Variants in NSF observed in about 807,000 individuals in gnomAD.
NSF encodes vesicle-fusing ATPase.
A neutral mutation model predicts 50.3 loss-of-function variants in NSF; 14 were observed. The ratio of observed to expected loss-of-function variants is 0.28; its 90% CI spans 0.18 to 0.44. NSF has a LOEUF of 0.44. Ranked by LOEUF, NSF falls within the 20% of genes least tolerant of loss-of-function variation. The pLI, the probability that NSF is intolerant of heterozygous loss-of-function variation, is 1.00. For missense variants in NSF, 218 were observed against 504.3 expected, an observed-to-expected ratio of 0.43 and a Z score of 5.44; for synonymous variants, 109 against 175.7, an observed-to-expected ratio of 0.62 and a Z score of 3.00.
At position 46,719,474 on chromosome 17, in the gene NSF, C is replaced by A. The variant is rs927793696; in HGVS notation, c.1761+5488C>A. The stretch of plus-strand genomic sequence containing the variant: ...CAATTAATTTAAAATTCACCTTGTA[C>A]TTCTCTTAATTTGCTTATTAGTGAA... On this transcript the variant is annotated intron_variant, in intron 15 of 20. Transcript: ENST00000398238. This position sits in a 1 kb window ranked among gnomAD's most constrained non-coding sequence, Gnocchi z 4.3. Among the ~76,000 whole-genome samples, 4 of 152,112 alleles carry A rather than the reference C, an allele frequency of 2.6e-5. No homozygotes were observed. Among genetic ancestry groups the A allele is most frequent in the African/African-American group, 9.7e-5 (4 of 41,422 alleles).
At chr17:46,743,085 T>G (rs946038982) in intron 17 of NSF, among the ~76,000 whole-genome samples, 32 of 152,076 alleles carry the variant, frequency 2.1e-4, no homozygotes, top group Admixed American at 1.0e-3. Context: ...CTGCCATGAC[T>G]CCTTCGGAGG....
intron 9 of NSF, among the ~76,000 whole-genome samples, chr17:46,676,224 ATTC>A (rs1332808535): frequency 3.5e-5 from 5 of 142,710 alleles, no homozygotes; most frequent in South Asian, 4.3e-4. Flanking sequence ...TCCTATGGGA[ATTC>A]TTCTTCTTTT....
At chr17:46,711,804 C>T (rs888660639) in intron 14 of NSF, among the ~76,000 whole-genome samples, 3 of 152,132 alleles carry the variant, frequency 2.0e-5, no homozygotes, top group African/African-American at 7.2e-5. Context: ...CATATTAAGC[C>T]ATGACTTGAC....
chr17:46,730,817 TC>T (rs1189134267), intron 17 of NSF, among the ~76,000 whole-genome samples: 1 of 152,158 alleles, frequency 6.6e-6, no homozygotes, highest in African/African-American at 2.4e-5. Context: ...GTACTCAACA[TC>T]ATTAGTCATC....
chr17:46,757,369 G>A lies in NSF; in HGVS notation c.*1546G>A, dbSNP rs2059243829. On this transcript the variant is annotated 3_prime_UTR_variant, in exon 21 of 21. Coordinates refer to ENST00000398238, the MANE Select transcript of NSF (RefSeq NM_006178.4). Reference sequence around the variant, plus strand: ...TGTTAACTTATGTCTCTTGTTAAATGAGCTTAATGTCTTTGTGTTTTGTCC... The same window carrying A: ...TGTTAACTTATGTCTCTTGTTAAATAAGCTTAATGTCTTTGTGTTTTGTCC... The A allele has an allele frequency of 6.6e-6, 1 of 152,612 alleles. No homozygotes were observed. 9.5% of individuals were successfully genotyped at this position (152,612 alleles called of 1,614,324 possible). A position where few individuals can be genotyped will look rare whatever the true frequency, so the allele number is the denominator to read the frequency against.
chr17:46,752,448 A>G (rs1356804815), intron 19 of NSF, among the ~76,000 whole-genome samples: 1 of 151,932 alleles, frequency 6.6e-6, no homozygotes, highest in Admixed American at 6.6e-5. Context: ...TGCTCAGTAA[A>G]CTTTTATTAT....
At chr17:46,735,466 T>TAA (rs775711064) in intron 17 of NSF, among the ~76,000 whole-genome samples, 2 of 141,770 alleles carry the variant, frequency 1.4e-5, no homozygotes, top group East Asian at 2.0e-4. Flanking sequence ...ACTTGAGGTT[T>TAA]AAAAAAAAAA....
chr17:46,726,615 G>C lies in NSF; in HGVS notation c.1828G>C (p.Asp610His), dbSNP rs768757726. ...VVVDDIERLLDYVPIGPRFSN... is the reference protein window; with the variant it reads ...VVVDDIERLLHYVPIGPRFSN... ...TGTGGATGACATTGAGAGATTGCTT[G>C]GTGAGTCCTAACTTCTGCTGTTGTA... Residue 610 changes from aspartate to histidine, a missense_variant and splice_region_variant, in exon 16 of 21, where the codon GAT becomes CAT. Asp to His is a moderately conservative substitution (Grantham distance 81). Around this residue, in one of 2 missense-constraint regions of NSF, gnomAD observed 209 missense variants for 320.9 expected, o/e 0.65. Transcript: ENST00000398238. 5.6e-6 allele frequency: 9 copies of C among 1,613,460 alleles called. No individual in the cohort carries two copies. Among genetic ancestry groups the C allele is most frequent in the Non-Finnish European group, 7.6e-6 (9 of 1,179,488 alleles).
At chr17:46,755,548 C>T in intron 20 of NSF, 179 bp downstream of exon 20, 2 of 693,408 alleles carry the variant, frequency 2.9e-6, no homozygotes, top group Non-Finnish European at 2.4e-6. Context: ...TTTGCTCTCC[C>T]TGTCCTGCTT....
chr17:46,687,362 T>C (rs2058502520), intron 9 of NSF, among the ~76,000 whole-genome samples: 1 of 150,852 alleles, frequency 6.6e-6, no homozygotes, highest in Non-Finnish European at 1.5e-5. Context: ...ATAGATGTCT[T>C]GTTAACTCTT....
intron 13 of NSF, among the ~76,000 whole-genome samples, chr17:46,706,963 G>T (rs1186821390): frequency 6.8e-6 from 1 of 146,810 alleles, no homozygotes; most frequent in Non-Finnish European, 1.5e-5. Flanking sequence ...CAATTATCCT[G>T]CCTCAGCCTC....
intron 8 of NSF, among the ~76,000 whole-genome samples, chr17:46,656,206 G>A (rs928801704): frequency 2.3e-4 from 1 of 4,282 alleles, no homozygotes; most frequent in Non-Finnish European, 4.4e-4. Flanking sequence ...AAAGTAGACA[G>A]TGTATCTATA....
intron 13 of NSF, among the ~76,000 whole-genome samples, chr17:46,709,580 C>T (rs1467352711): frequency 3.3e-5 from 5 of 151,672 alleles, no homozygotes; most frequent in African/African-American, 2.4e-5. Context: ...CTGCAACCTC[C>T]GCCTCCCGGG....
chr17:46,722,038 C>T, intron 15 of NSF: 1 of 1,609,516 alleles, frequency 6.2e-7, no homozygotes, highest in Non-Finnish European at 8.5e-7. Flanking sequence ...CCGTAATATT[C>T]AGCTCCCTGA....
chr17:46,678,792 A>G (rs1412179818), intron 9 of NSF, among the ~76,000 whole-genome samples: 1 of 130,414 alleles, frequency 7.7e-6, no homozygotes, highest in Non-Finnish European at 1.6e-5. Flanking sequence ...ATAAGCAACA[A>G]CTAGCTAGTA....
intron 12 of NSF, among the ~76,000 whole-genome samples, chr17:46,695,159 T>C (rs1598689849): frequency 1.0e-5 from 1 of 97,526 alleles, no homozygotes; most frequent in Non-Finnish European, 1.9e-5. Flanking sequence ...GGCAAGAGAA[T>C]GGTGTGAACC....
chr17:46,681,679 C>G (rs1169789657), intron 9 of NSF, among the ~76,000 whole-genome samples: 3 of 97,000 alleles, frequency 3.1e-5, no homozygotes, highest in Non-Finnish European at 3.9e-5. Flanking sequence ...TGCTTTAAGT[C>G]TGCTTGTTGG....
At position 46,756,460 on chromosome 17, in the gene NSF, A is replaced by G. The variant is rs1230761908; in HGVS notation, c.*637A>G. ...TTTCTTAATAGAAAGTCAGATGACTACCGTGTTGGTTGTGACTTCCCCTTA... is the reference window on the plus strand; with the variant it reads ...TTTCTTAATAGAAAGTCAGATGACTGCCGTGTTGGTTGTGACTTCCCCTTA... On this transcript the variant is annotated 3_prime_UTR_variant, in exon 21 of 21. Transcript: ENST00000398238. 6.6e-6 allele frequency: 1 copy of G among 152,276 alleles called. No individual in the cohort carries two copies. The allele number at this position is 152,276 out of a possible 1,614,324, so 9.4% of individuals were successfully genotyped here.
chr17:46,709,573 C>T (rs907850248), intron 13 of NSF, among the ~76,000 whole-genome samples: 3 of 151,838 alleles, frequency 2.0e-5, no homozygotes, highest in Admixed American at 6.6e-5. Context: ...CGGCTCACTG[C>T]AACCTCCGCC....
Sources: gnomAD v4.1 joint callset for allele counts (sites outside exome capture counted in the v4.1 genomes callset) on GRCh38, gnomAD v4.1.1 for gene constraint, gnomAD v4.1.1 regional missense constraint, Gnocchi (gnomAD v3.1) non-coding constraint, MANE v1.5 for transcripts, NCBI Gene and HGNC (gene_info 2026-07-23, HGNC 2026-07-21) for gene names.